The following AIM2 variants were observed in gnomAD, a reference collection of about 807,000 sequenced individuals.
The protein encoded by AIM2 is absent in melanoma 2.
AIM2 carries 30 observed loss-of-function variants against 27.7 expected under a neutral mutation model. The ratio of observed to expected loss-of-function variants is 1.08; its 90% confidence interval spans 0.81 to 1.47. The LOEUF (loss-of-function observed/expected upper bound fraction) is 1.47. AIM2 is among the 40% of genes most tolerant of loss of function. The pLI is 0.00. For missense variants in AIM2, 358 were observed against 411.3 expected (o/e 0.87, Z 1.12); for synonymous variants, 141 against 145.3 (o/e 0.97, Z 0.21).
intron 1 of AIM2, among the ~76,000 whole-genome samples, chr1:159,086,421 G>T (rs915363825): frequency 2.6e-5 from 4 of 152,300 alleles, no homozygotes; most frequent in African/African-American, 9.6e-5. Flanking sequence ...TCATCAGAGC[G>T]CTCTGGGGCC....
chr1:159,095,766 T>A (rs1409616607), intron 1 of AIM2, among the ~76,000 whole-genome samples: 1 of 152,182 alleles, frequency 6.6e-6, no homozygotes, highest in Non-Finnish European at 1.5e-5. Flanking sequence ...ATTGGCAATA[T>A]CATACATTGT....
chr1:159,094,211 T>C (rs561812555), intron 1 of AIM2, among the ~76,000 whole-genome samples: 1 of 152,310 alleles, frequency 6.6e-6, no homozygotes, highest in Non-Finnish European at 1.5e-5. Flanking sequence ...TAACACTCTA[T>C]TAGGTTGGTG....
At chr1:159,056,739 A>C in the AIM2 span, among the ~76,000 whole-genome samples, 4 of 147,984 alleles carry the variant, frequency 2.7e-5, no homozygotes, top group South Asian at 2.1e-4. Context: ...AAAAAAAAAA[A>C]AAAAAAAAAC....
At chr1:159,063,783 C>A in intron 4 of AIM2, 109 bp from the exon 5 acceptor site, 1 of 1,164,738 alleles carries the variant, frequency 8.6e-7, no homozygotes, top group Non-Finnish European at 1.2e-6. Flanking sequence ...TCAGTTGATT[C>A]TTGAACAACA....
At chr1:159,112,597 T>C (rs1337952632) in intron 1 of AIM2, among the ~76,000 whole-genome samples, 1 of 152,196 alleles carries the variant, frequency 6.6e-6, no homozygotes. Flanking sequence ...CTTAGAAATA[T>C]TTATTATATA....
rs145805446 is a variant in AIM2 at position 159,104,526 on chromosome 1, C to T, written c.-16+35905G>A. Reference sequence around the variant, plus strand: ...TGAAATATTTCTGATTAAAATTTATCATTCAAATTGAGATGTGCTGTAAGA... The same window carrying T: ...TGAAATATTTCTGATTAAAATTTATTATTCAAATTGAGATGTGCTGTAAGA... On this transcript the variant is annotated intron_variant, in intron 1 of 2. Transcript: ENST00000368129. Among the ~76,000 whole-genome samples, 369 of 152,166 alleles carry T rather than the reference C, an allele frequency of 2.4e-3. 7 individuals are homozygous for T. The East Asian group carries it at 0.026, about 11-fold the overall frequency.
intron 1 of AIM2, among the ~76,000 whole-genome samples, chr1:159,132,785 G>A (rs1647924633): frequency 6.6e-6 from 1 of 152,180 alleles, no homozygotes; most frequent in South Asian, 2.1e-4. Flanking sequence ...AGGCAGTCCA[G>A]TACCTCCAAA....
intron 1 of AIM2, among the ~76,000 whole-genome samples, chr1:159,088,653 T>C (rs1404367000): frequency 2.6e-5 from 4 of 152,140 alleles, no homozygotes; most frequent in Admixed American, 2.6e-4. Flanking sequence ...AGGTGATGAG[T>C]CGTGAGGGTT....
chr1:159,105,773 A>G (rs1010570103), intron 1 of AIM2, among the ~76,000 whole-genome samples: 2 of 152,072 alleles, frequency 1.3e-5, no homozygotes, highest in Non-Finnish European at 2.9e-5. Context: ...TGTGGTTTTT[A>G]TGGGCTCAGA....
chr1:159,104,511 C>T (rs368689306), intron 1 of AIM2, among the ~76,000 whole-genome samples: 158 of 152,198 alleles, frequency 1.0e-3, no homozygotes, highest in African/African-American at 3.6e-3. Flanking sequence ...TGAAATATTT[C>T]TGATTAAAAT....
chr1:159,075,844 G>T (rs1268939939), intron 1 of AIM2, among the ~76,000 whole-genome samples: 2 of 152,138 alleles, frequency 1.3e-5, no homozygotes, highest in African/African-American at 4.8e-5. Flanking sequence ...AACAGGAAAA[G>T]ATGTTTATGA....
chr1:159,081,487 C>T (rs909652592), upstream of AIM2: 7 of 516,316 alleles, frequency 1.4e-5, no homozygotes, highest in African/African-American at 1.4e-4. Flanking sequence ...TGCTTCAGAG[C>T]CCCTCTGACT....
intron 1 of AIM2, among the ~76,000 whole-genome samples, chr1:159,082,229 G>A (rs1010298673): frequency 6.6e-6 from 1 of 152,118 alleles, no homozygotes; most frequent in Non-Finnish European, 1.5e-5. Context: ...TTTCAGCCTC[G>A]TCTTCTATAC....
chr1:159,129,023 A>C (rs1446871063), intron 1 of AIM2, among the ~76,000 whole-genome samples: 1 of 152,214 alleles, frequency 6.6e-6, no homozygotes, highest in African/African-American at 2.4e-5. Flanking sequence ...AAACCTATGA[A>C]TGTGACCTCA....
At chr1:159,059,628 A>G (rs1655768210), downstream of AIM2, among the ~76,000 whole-genome samples, 1 of 152,108 alleles carries the variant, frequency 6.6e-6, no homozygotes, top group Non-Finnish European at 1.5e-5. Context: ...GCTTTCTGTA[A>G]TTGCCTATTC....
intron 1 of AIM2, among the ~76,000 whole-genome samples, chr1:159,084,244 T>C (rs1414535825): frequency 6.6e-6 from 1 of 152,122 alleles, no homozygotes; most frequent in Non-Finnish European, 1.5e-5. Flanking sequence ...ATTTATATAT[T>C]CTATATAATG....
chr1:159,083,069 T>G (rs1440062958), intron 1 of AIM2, among the ~76,000 whole-genome samples: 1 of 152,194 alleles, frequency 6.6e-6, no homozygotes, highest in Non-Finnish European at 1.5e-5. Flanking sequence ...TGGAACAAAT[T>G]ATTAAAGATA....
intron 1 of AIM2, among the ~76,000 whole-genome samples, chr1:159,109,117 G>A (rs980613289): frequency 6.6e-6 from 1 of 151,954 alleles, no homozygotes; most frequent in Admixed American, 6.6e-5. Flanking sequence ...AAATATGAAG[G>A]CATCAATATT....
intron 1 of AIM2, chr1:159,123,592 A>T (rs1647601588): frequency 6.6e-6 from 1 of 152,236 alleles, no homozygotes; most frequent in Non-Finnish European, 1.5e-5. Context: ...CTGGGAAAAA[A>T]GATTCGTAGT....
Sources: allele counts gnomAD v4.1 joint callset (sites outside exome capture counted in the v4.1 genomes callset), GRCh38; gene constraint gnomAD v4.1.1; transcripts MANE v1.5; gene names NCBI Gene and HGNC (gene_info 2026-07-23, HGNC 2026-07-21).